The following NIN variants were observed in gnomAD, a reference collection of about 807,000 sequenced individuals.
NIN encodes ninein.
NIN carries 137 observed loss-of-function variants against 257.6 expected under a neutral mutation model. The ratio of observed to expected loss-of-function variants is 0.53; its 90% CI spans 0.46 to 0.61. The LOEUF (loss-of-function observed/expected upper bound fraction) is 0.61, where lower values mean the gene tolerates loss of function less well. NIN is among the 20% of genes least tolerant of loss of function. NIN has a pLI of 0.00. For synonymous variants in NIN, 918 were observed against 919.8 expected, an observed-to-expected ratio of 1.00 and a Z score of 0.04; for missense variants, 2,439 against 2,501.2, an observed-to-expected ratio of 0.98 and a Z score of 0.53.
intron 21 of NIN, among the ~76,000 whole-genome samples, chr14:50,751,619 C>T (rs1172123152): frequency 1.3e-5 from 2 of 152,074 alleles, no homozygotes; most frequent in Non-Finnish European, 2.9e-5. Flanking sequence ...TGTAGTGGTA[C>T]AGCCTCAAGG....
At chr14:50,777,194 C>A in intron 6 of NIN, 55 bp from the exon 7 acceptor site, 2 of 1,355,160 alleles carry the variant, frequency 1.5e-6, no homozygotes, top group South Asian at 1.5e-5. Flanking sequence ...AGAGAGAGTG[C>A]CTATTCTTAA....
intron 14 of NIN, among the ~76,000 whole-genome samples, chr14:50,765,866 T>C (rs1555383440): frequency 6.6e-6 from 1 of 151,490 alleles, no homozygotes; most frequent in Non-Finnish European, 1.5e-5. Context: ...AATTTTATTA[T>C]ACTTTAAGCT....
chr14:50,757,717 A>G lies in NIN; in HGVS notation c.3313T>C (p.Ser1105Pro), dbSNP rs1183471906. The G allele has an allele frequency of 6.2e-7, 1 of 1,614,206 alleles. No homozygotes were observed. Among genetic ancestry groups the G allele is most frequent in the East Asian group, 2.2e-5 (1 of 44,872 alleles). ...LQKLEPGLVMSSCLDEPATEF... is the reference protein window; with the variant it reads ...LQKLEPGLVMPSCLDEPATEF... ...GTAGCTGGCTCATCCAAACAAGAAGACATTACTAACCCTGGCTCTAACTTT... is the reference window on the plus strand; with the variant it reads ...GTAGCTGGCTCATCCAAACAAGAAGGCATTACTAACCCTGGCTCTAACTTT... Residue 1105 changes from serine (S) to proline (P), a missense_variant, in exon 18 of 31, where the codon TCT becomes CCT. Coordinates refer to ENST00000530997, the MANE Select transcript of NIN (RefSeq NM_020921.4).
At position 50,822,023 on chromosome 14, in the gene NIN, G is replaced by A. The variant is rs2045246060; in HGVS notation, c.34C>T (p.Arg12Ter). ...DEVEQDQHEA[R>*]LKELFDSFDT... Reference sequence around the variant, plus strand: ...AAACTGTCAAACAGCTCCTTGAGTCGGGCCTCATGCTGGTCCTGCTCCACC... The same window carrying A: ...AAACTGTCAAACAGCTCCTTGAGTCAGGCCTCATGCTGGTCCTGCTCCACC... The change falls in exon 3 of 31, where the codon CGA (arginine) becomes TGA (stop). Residue 12 changes from arginine to a stop codon, truncating the protein, a stop_gained. Coordinates refer to ENST00000530997, the MANE Select transcript of NIN (RefSeq NM_020921.4). LOFTEE classifies it high-confidence loss of function. 3.7e-6 allele frequency: 6 copies of A among 1,613,940 alleles called. No individual in the cohort carries two copies. Among genetic ancestry groups the A allele is most frequent in the Non-Finnish European group, 4.2e-6 (5 of 1,179,896 alleles).
At chr14:50,822,849 T>C (rs1455461545) in intron 2 of NIN, among the ~76,000 whole-genome samples, 1 of 152,224 alleles carries the variant, frequency 6.6e-6, no homozygotes, top group Non-Finnish European at 1.5e-5. Flanking sequence ...AGGTAATGCT[T>C]AGTTGCCTAG....
At chr14:50,770,342 GTGTTCCCGGCAGGGAC>G (rs1264763611) in intron 12 of NIN, 30 bp downstream of exon 12, 1 of 1,574,098 alleles carries the variant, frequency 6.4e-7, no homozygotes, top group Non-Finnish European at 8.7e-7. Flanking sequence ...TTTCCACGTG[GTGTTCCCGGCAGGGAC>G]GCAGACCACA....
chr14:50,820,722 C>T (rs1301899009), intron 3 of NIN, among the ~76,000 whole-genome samples: 1 of 152,132 alleles, frequency 6.6e-6, no homozygotes, highest in Non-Finnish European at 1.5e-5. Flanking sequence ...CACAAGAGGC[C>T]AAGAATGGCT....
intron 7 of NIN, 85 bp from the exon 8 acceptor site, chr14:50,773,180 C>G: frequency 9.5e-7 from 1 of 1,050,870 alleles, no homozygotes; most frequent in South Asian, 1.5e-5. Flanking sequence ...GTAATCAGTA[C>G]CATGGTTGGT....
chr14:50,727,795 A>G, intron 29 of NIN: 2 of 1,411,386 alleles, frequency 1.4e-6, no homozygotes, highest in Non-Finnish European at 1.9e-6. Context: ...TCATGTCAGG[A>G]TGAGTTTTTA....
chr14:50,780,935 T>C (rs1188320868), intron 5 of NIN, among the ~76,000 whole-genome samples: 1 of 152,180 alleles, frequency 6.6e-6, no homozygotes, highest in Non-Finnish European at 1.5e-5. Context: ...TGAGGCATGG[T>C]GGGGATGGGG....
chr14:50,808,770 T>C (rs758377256), intron 3 of NIN, among the ~76,000 whole-genome samples: 3 of 152,212 alleles, frequency 2.0e-5, no homozygotes, highest in Non-Finnish European at 4.4e-5. Flanking sequence ...TTTTATGGTA[T>C]TTATAATACC....
intron 29 of NIN, among the ~76,000 whole-genome samples, chr14:50,728,307 C>A (rs1429288887): frequency 6.6e-6 from 1 of 152,062 alleles, no homozygotes; most frequent in Non-Finnish European, 1.5e-5. Flanking sequence ...AATTTAAGAA[C>A]TTTAATACTG....
At chr14:50,772,537 C>G in intron 8 of NIN, 69 bp from the exon 9 acceptor site, 13 of 1,391,136 alleles carry the variant, frequency 9.3e-6, no homozygotes, top group Non-Finnish European at 1.2e-5. Context: ...ATTGGTCAGC[C>G]CTGACCACGA....
At chr14:50,761,602 A>G (rs1595800848) in intron 16 of NIN, among the ~76,000 whole-genome samples, 188 bp downstream of exon 16, 1 of 152,230 alleles carries the variant, frequency 6.6e-6, no homozygotes, top group Non-Finnish European at 1.5e-5. Context: ...GGCTGAAGAT[A>G]TTACATTTTG....
intron 21 of NIN, among the ~76,000 whole-genome samples, chr14:50,748,394 C>T (rs1465643853): frequency 1.3e-5 from 2 of 152,130 alleles, no homozygotes; most frequent in East Asian, 1.9e-4. Flanking sequence ...TGGAAGCATT[C>T]CCTTTGAAAA....
At position 50,725,989 on chromosome 14, in the gene NIN, C is replaced by G. The variant is rs534805269; in HGVS notation, c.6156G>C (p.Arg2052Ser). 1.3e-4 allele frequency: 207 copies of G among 1,614,074 alleles called. No individual in the cohort carries two copies. Among genetic ancestry groups the G allele is most frequent in the East Asian group, 3.6e-4 (16 of 44,866 alleles). Residue 2052 changes from arginine (R) to serine (S), a missense_variant, in exon 30 of 31, where the codon AGG becomes AGC. Physicochemically the swap from Arg to Ser is moderately radical, Grantham distance 110. Around this residue, in one of 3 missense-constraint regions of NIN, gnomAD observed 2,043 missense variants for 2,050.2 expected, o/e 1.00. Transcript: ENST00000530997. Reference protein sequence around the residue: ...EVEQKLKLVKRLLQEKVNQLK... With the variant: ...EVEQKLKLVKSLLQEKVNQLK... The stretch of plus-strand genomic sequence containing the variant: ...GCTGATTCACTTTCTCTTGAAGAAG[C>G]CTTTTCACTAGTTTCAGTTTCTGTT...
intron 3 of NIN, among the ~76,000 whole-genome samples, chr14:50,820,260 G>A (rs576318788): frequency 3.9e-5 from 6 of 152,274 alleles, no homozygotes; most frequent in East Asian, 3.9e-4. Flanking sequence ...GTGTCAAGTC[G>A]TTAACAAATC....
chr14:50,729,382 G>C (rs549233239), intron 29 of NIN, 141 bp downstream of exon 29: 1 of 743,526 alleles, frequency 1.3e-6, no homozygotes, highest in East Asian at 2.9e-5. Context: ...CGATCCTCCC[G>C]TCTCAGCCTC....
At chr14:50,792,639 CCT>C (rs1349065422) in intron 5 of NIN, 71 bp downstream of exon 5, 12 of 1,546,078 alleles carry the variant, frequency 7.8e-6, no homozygotes, top group African/African-American at 4.1e-5. Flanking sequence ...CCTCAGCTCC[CCT>C]GTCTCTGTGC....
Sources: gnomAD v4.1 joint callset for allele counts (sites outside exome capture counted in the v4.1 genomes callset) on GRCh38, gnomAD v4.1.1 for gene constraint, gnomAD v4.1.1 regional missense constraint, MANE v1.5 for transcripts, NCBI Gene and HGNC (gene_info 2026-07-23, HGNC 2026-07-21) for gene names.